COL4A2: variants seen among roughly 807,000 people sequenced by gnomAD.
COL4A2 encodes collagen alpha-2(IV) chain.
COL4A2 carries 99 observed loss-of-function variants against 200.2 expected under a neutral mutation model. The ratio of observed to expected loss-of-function variants is 0.49; its 90% confidence interval spans 0.42 to 0.58. The LOEUF is 0.58. Ranked by LOEUF, COL4A2 falls within the 20% of genes least tolerant of loss-of-function variation. The probability of loss-of-function intolerance (pLI) is 0.00; values close to 1 mark genes in which losing one functional copy is unlikely to be tolerated. For missense variants in COL4A2, 1,950 were observed against 2,314.1 expected (o/e 0.84, Z 3.23); for synonymous variants, 897 against 900.6 (o/e 1.00, Z 0.07).
intron 20 of COL4A2, among the ~76,000 whole-genome samples, chr13:110,451,139 G>A (rs115482261): frequency 0.014 from 2,057 of 152,272 alleles, 43 homozygotes; most frequent in African/African-American, 0.048. Flanking sequence ...TATAACGTTA[G>A]GTGACTCAAC....
chr13:110,340,542 T>C (rs1876403052), intron 3 of COL4A2, among the ~76,000 whole-genome samples: 1 of 152,080 alleles, frequency 6.6e-6, no homozygotes, highest in Non-Finnish European at 1.5e-5. Flanking sequence ...AAAGAAAATG[T>C]TTAAGGTTCA....
chr13:110,455,790 T>G (rs1007568687), intron 20 of COL4A2, among the ~76,000 whole-genome samples: 3 of 152,192 alleles, frequency 2.0e-5, no homozygotes, highest in African/African-American at 7.2e-5. Flanking sequence ...CAAACTCCCG[T>G]GCTCTTTTCC....
chr13:110,428,506 T>C lies in COL4A2; in HGVS notation c.400T>C (p.Tyr134His). The C allele has an allele frequency of 6.3e-7, 1 of 1,586,062 alleles. No homozygotes were observed. Among genetic ancestry groups the C allele is most frequent in the Non-Finnish European group, 8.5e-7 (1 of 1,170,132 alleles). The change falls in exon 7 of 48, where the codon TAC becomes CAC. Residue 134 changes from tyrosine to histidine, a missense_variant. Physicochemically the swap from Tyr to His is moderately conservative, Grantham distance 83 (BLOSUM62 2). This residue lies in a region of COL4A2 where 565 missense variants were observed against 593.5 expected (regional missense o/e 0.95). Transcript: ENST00000360467. ...GQGGPRGRPG[Y>H]DGCNGTQGDS... is the part of the protein sequence containing the mutation. ...AGGTGGGCCCAGGGGAAGGCCGGGC[T>C]ACGATGGCTGCAACGGAACCCAGGG...
intron 4 of COL4A2, among the ~76,000 whole-genome samples, chr13:110,384,185 T>C (rs1298292053): frequency 6.6e-6 from 1 of 152,178 alleles, no homozygotes; most frequent in Non-Finnish European, 1.5e-5. Context: ...GTAGCAAAAT[T>C]GCCCTAAAAG....
chr13:110,493,784 G>A (rs1004513281), intron 39 of COL4A2, among the ~76,000 whole-genome samples: 3 of 151,156 alleles, frequency 2.0e-5, no homozygotes, highest in African/African-American at 7.3e-5. Flanking sequence ...CCCAGTTCTG[G>A]AGGCTGGGAT....
At chr13:110,331,027 C>T (rs1319507697) in intron 3 of COL4A2, among the ~76,000 whole-genome samples, 2 of 151,844 alleles carry the variant, frequency 1.3e-5, no homozygotes, top group Non-Finnish European at 2.9e-5. Context: ...TTCAGATTCT[C>T]TTAGGATCAG....
chr13:110,371,525 TG>T (rs1878007158), intron 4 of COL4A2, among the ~76,000 whole-genome samples: 1 of 152,244 alleles, frequency 6.6e-6, no homozygotes, highest in African/African-American at 2.4e-5. Flanking sequence ...TAATCTTATC[TG>T]AGAACTTAAA....
chr13:110,502,018 A>T (rs1423455103), intron 41 of COL4A2, among the ~76,000 whole-genome samples: 1 of 152,188 alleles, frequency 6.6e-6, no homozygotes, highest in Non-Finnish European at 1.5e-5. Context: ...GCAGATATTC[A>T]AACTGCAGGG....
intron 30 of COL4A2, among the ~76,000 whole-genome samples, chr13:110,479,775 G>A (rs956405500): frequency 6.6e-6 from 1 of 152,216 alleles, no homozygotes; most frequent in African/African-American, 2.4e-5. Flanking sequence ...ATGGGAGCAC[G>A]GAGACCAGAG....
chr13:110,459,945 G>T (rs1442021538), intron 22 of COL4A2, among the ~76,000 whole-genome samples: 3 of 152,148 alleles, frequency 2.0e-5, no homozygotes, highest in African/African-American at 7.2e-5. Flanking sequence ...CCTTTATTCT[G>T]TGCCTTATGC....
chr13:110,393,435 T>C (rs1288049687), intron 4 of COL4A2, among the ~76,000 whole-genome samples: 1 of 152,220 alleles, frequency 6.6e-6, no homozygotes, highest in East Asian at 1.9e-4. Flanking sequence ...AATGTAAGGC[T>C]ATATAAAATG....
At chr13:110,441,132 A>G (rs1881107265) in intron 16 of COL4A2, among the ~76,000 whole-genome samples, 1 of 152,220 alleles carries the variant, frequency 6.6e-6, no homozygotes, top group Admixed American at 6.5e-5. Context: ...TAGTAGGTGC[A>G]CAGAGATAGA....
intron 11 of COL4A2, among the ~76,000 whole-genome samples, chr13:110,433,294 C>A (rs1185116125): frequency 3.9e-5 from 6 of 152,238 alleles, no homozygotes. Context: ...GAAATAGGAC[C>A]AGGCGGCCGG....
intron 4 of COL4A2, among the ~76,000 whole-genome samples, chr13:110,410,187 G>A (rs2139439352): frequency 6.6e-6 from 1 of 152,344 alleles, no homozygotes; most frequent in South Asian, 2.1e-4. Context: ...GGGAGCGTGA[G>A]ACATCCGTGA....
At chr13:110,372,736 C>A (rs1386234178) in intron 4 of COL4A2, among the ~76,000 whole-genome samples, 1 of 152,200 alleles carries the variant, frequency 6.6e-6, no homozygotes, top group Non-Finnish European at 1.5e-5. Context: ...TACAGTGAAG[C>A]AAATATTATT....
At chr13:110,337,633 C>A (rs900946284) in intron 3 of COL4A2, among the ~76,000 whole-genome samples, 8 of 152,310 alleles carry the variant, frequency 5.3e-5, no homozygotes, top group African/African-American at 1.9e-4. Context: ...CTGATGTTCC[C>A]CCTTAGCCAC....
At chr13:110,436,506 C>T in intron 13 of COL4A2, 139 bp downstream of exon 13, 1 of 1,167,924 alleles carries the variant, frequency 8.6e-7, no homozygotes, top group Non-Finnish European at 1.2e-6. Context: ...GAAAACATAA[C>T]CGGGTCCTCC....
At chr13:110,314,614 G>A (rs1366967237) in intron 3 of COL4A2, among the ~76,000 whole-genome samples, 4 of 152,170 alleles carry the variant, frequency 2.6e-5, no homozygotes, top group South Asian at 2.1e-4. Context: ...CCTCTTCTTC[G>A]CTGGGGAGGG....
chr13:110,349,882 A>G (rs982387166), intron 3 of COL4A2, among the ~76,000 whole-genome samples: 6 of 151,852 alleles, frequency 4.0e-5, no homozygotes, highest in East Asian at 1.9e-4. Context: ...TTGTGTCTCA[A>G]CCTCGTGAGT....
Sources: allele counts gnomAD v4.1 joint callset (sites outside exome capture counted in the v4.1 genomes callset), GRCh38; gene constraint gnomAD v4.1.1; regional missense constraint gnomAD v4.1.1; transcripts MANE v1.5; gene names NCBI Gene and HGNC (gene_info 2026-07-23, HGNC 2026-07-21).